MAMDC2: variants seen among roughly 807,000 people sequenced by gnomAD.
MAMDC2 encodes the protein MAM domain containing 2, also known as MAM domain-containing protein 2.
In MAMDC2, 57 loss-of-function variants were observed where a neutral mutation model predicts 89.8. The observed-to-expected ratio is 0.63, with a 90% CI of 0.51 to 0.79. The LOEUF (loss-of-function observed/expected upper bound fraction) is 0.79. Ranked by LOEUF, MAMDC2 falls within the 30% of genes least tolerant of loss-of-function variation. The pLI is 0.00. For synonymous variants in MAMDC2, 313 were observed against 293.4 expected (o/e 1.07, Z -0.68); for missense variants, 800 against 820.6 (o/e 0.97, Z 0.31).
chr9:70,074,461 C>A (rs536173583), intron 2 of MAMDC2, among the ~76,000 whole-genome samples: 5 of 152,236 alleles, frequency 3.3e-5, no homozygotes, highest in African/African-American at 1.2e-4. Context: ...GGGTAAGTGG[C>A]TCTCTCACCT....
chr9:70,214,331 T>C (rs757161012), intron 11 of MAMDC2, among the ~76,000 whole-genome samples: 3 of 152,066 alleles, frequency 2.0e-5, no homozygotes, highest in Non-Finnish European at 4.4e-5. Flanking sequence ...TGAGAATATC[T>C]AGAGGAAGAA....
intron 2 of MAMDC2, among the ~76,000 whole-genome samples, chr9:70,067,639 C>G (rs1304398113): frequency 1.3e-5 from 2 of 152,186 alleles, no homozygotes; most frequent in African/African-American, 4.8e-5. Context: ...ATCCTAGGGG[C>G]CAGTCATTGG....
intron 11 of MAMDC2, among the ~76,000 whole-genome samples, chr9:70,209,082 C>T (rs2033295226): frequency 1.3e-5 from 2 of 152,132 alleles, no homozygotes; most frequent in African/African-American, 4.8e-5. Context: ...GGATATTGGT[C>T]TAAAATTTGC....
chr9:70,196,425 G>A (rs1009570327), intron 11 of MAMDC2, among the ~76,000 whole-genome samples: 1 of 152,074 alleles, frequency 6.6e-6, no homozygotes, highest in African/African-American at 2.4e-5. Context: ...GACATGAAAA[G>A]AAAACATGTT....
intron 9 of MAMDC2, among the ~76,000 whole-genome samples, chr9:70,147,512 G>C (rs2031446119): frequency 6.7e-6 from 1 of 149,250 alleles, no homozygotes. Flanking sequence ...CATTTTTCTT[G>C]GTTCCCTTTA....
intron 5 of MAMDC2, among the ~76,000 whole-genome samples, chr9:70,113,346 C>G (rs930933053): frequency 1.3e-5 from 2 of 152,174 alleles, no homozygotes; most frequent in Non-Finnish European, 2.9e-5. Flanking sequence ...AGCTCTGTAG[C>G]TAAGGGGAAG....
At chr9:70,073,582 A>G (rs1013182259) in intron 2 of MAMDC2, among the ~76,000 whole-genome samples, 1 of 152,250 alleles carries the variant, frequency 6.6e-6, no homozygotes, top group Non-Finnish European at 1.5e-5. Flanking sequence ...GACTAGTTGG[A>G]AAAAACTACC....
intron 11 of MAMDC2, among the ~76,000 whole-genome samples, chr9:70,204,127 A>G (rs1012078038): frequency 5.3e-5 from 8 of 151,836 alleles, no homozygotes; most frequent in Admixed American, 2.0e-4. Context: ...AGGAGGAGAG[A>G]CGCTCTGCGT....
chr9:70,127,090 A>G (rs1331213812), intron 6 of MAMDC2, among the ~76,000 whole-genome samples: 1 of 152,172 alleles, frequency 6.6e-6, no homozygotes, highest in East Asian at 1.9e-4. Context: ...TATCTTTTCG[A>G]CCTTTTTCTA....
chr9:70,198,731 C>A (rs1406694803), intron 11 of MAMDC2, among the ~76,000 whole-genome samples: 2 of 152,212 alleles, frequency 1.3e-5, no homozygotes, highest in East Asian at 1.9e-4. Flanking sequence ...CAAATAAATT[C>A]TCTTCCAATA....
intron 11 of MAMDC2, among the ~76,000 whole-genome samples, chr9:70,203,245 G>C (rs1456522739): frequency 6.6e-6 from 1 of 152,122 alleles, no homozygotes; most frequent in Non-Finnish European, 1.5e-5. Flanking sequence ...TTTTAGGGCA[G>C]GCCTGATGGT....
At chr9:70,127,421 T>G (rs1233606887) in intron 6 of MAMDC2, among the ~76,000 whole-genome samples, 2 of 149,196 alleles carry the variant, frequency 1.3e-5, no homozygotes, top group Admixed American at 1.4e-4. Flanking sequence ...CTATAAAGAT[T>G]TGGAGCTATA....
Position 70,044,698 on chromosome 9 carries a change from G to A in MAMDC2, c.148+1G>A. 6.5e-7 allele frequency: 1 copy of A among 1,549,824 alleles called. No homozygotes were observed. The highest frequency in any genetic ancestry group is 8.7e-7 in the Non-Finnish European group (1 of 1,145,378). ...CTGCCGTGGATTTTAAATGAGGAAGGTAAGGAGGCTCGGTGGAGAGGGGCG... is the reference window on the plus strand; with the variant it reads ...CTGCCGTGGATTTTAAATGAGGAAGATAAGGAGGCTCGGTGGAGAGGGGCG... On this transcript the variant is annotated splice_donor_variant, in intron 2 of 13. Transcript: ENST00000377182. LOFTEE classifies it high-confidence loss of function.
chr9:70,221,917 C>CA (rs759995550), intron 12 of MAMDC2, among the ~76,000 whole-genome samples: 41 of 151,940 alleles, frequency 2.7e-4, no homozygotes, highest in Non-Finnish European at 4.4e-4. Context: ...AAATTTGTTC[C>CA]AAAAGCAGTA....
At chr9:70,078,263 C>A (rs1431528332) in intron 2 of MAMDC2, among the ~76,000 whole-genome samples, 1 of 152,128 alleles carries the variant, frequency 6.6e-6, no homozygotes, top group African/African-American at 2.4e-5. Context: ...TCCCTCTTAC[C>A]CCGTTTCTCT....
intron 5 of MAMDC2, among the ~76,000 whole-genome samples, chr9:70,114,628 A>G (rs1308435569): frequency 6.6e-6 from 1 of 152,170 alleles, no homozygotes; most frequent in Admixed American, 6.6e-5. Flanking sequence ...TTGCCTGTTT[A>G]AAACAAACGC....
chr9:70,149,958 CT>C (rs1236475901), intron 9 of MAMDC2, among the ~76,000 whole-genome samples: 1 of 152,162 alleles, frequency 6.6e-6, no homozygotes, highest in Non-Finnish European at 1.5e-5. Context: ...GTCCCCCACC[CT>C]GAAGTGCTGG....
intron 11 of MAMDC2, among the ~76,000 whole-genome samples, chr9:70,201,733 C>T (rs1748238110): frequency 7.0e-6 from 1 of 142,806 alleles, no homozygotes; most frequent in African/African-American, 2.8e-5. Flanking sequence ...ATTTCAGATC[C>T]TGTTATTGGT....
At chr9:70,171,358 G>T (rs977028000) in intron 11 of MAMDC2, among the ~76,000 whole-genome samples, 6 of 151,570 alleles carry the variant, frequency 4.0e-5, no homozygotes, top group Admixed American at 3.9e-4. Context: ...AATTTAGCCA[G>T]CTGTGGTGGT....
Sources: allele counts gnomAD v4.1 joint callset (sites outside exome capture counted in the v4.1 genomes callset), GRCh38; gene constraint gnomAD v4.1.1; transcripts MANE v1.5; gene names NCBI Gene and HGNC (gene_info 2026-07-23, HGNC 2026-07-21).